KIF13A: variants seen among roughly 807,000 people sequenced by gnomAD.
The protein encoded by KIF13A is kinesin-like protein KIF13A.
KIF13A carries 79 observed loss-of-function variants against 212.2 expected under a neutral mutation model. The observed-to-expected ratio is 0.37, with a 90% CI of 0.31 to 0.45. KIF13A has a LOEUF of 0.45. Ranked by LOEUF, KIF13A falls within the 20% of genes least tolerant of loss-of-function variation. KIF13A has a pLI of 1.00. For missense variants in KIF13A, 1,901 were observed against 2,209.0 expected (o/e 0.86, Z 2.79); for synonymous variants, 789 against 808.6 (o/e 0.98, Z 0.41).
intron 4 of KIF13A, among the ~76,000 whole-genome samples, chr6:17,867,693 C>T (rs1263955942): frequency 6.6e-6 from 1 of 152,206 alleles, no homozygotes. Context: ...TCAAACAGAC[C>T]ACCTGAATAG....
At chr6:17,813,851 G>A (rs968393210) in intron 17 of KIF13A, among the ~76,000 whole-genome samples, 2 of 151,728 alleles carry the variant, frequency 1.3e-5, no homozygotes, top group South Asian at 2.1e-4. Flanking sequence ...GTTTCCTTAT[G>A]TGTAAAGGCA....
intron 3 of KIF13A, among the ~76,000 whole-genome samples, chr6:17,884,556 G>A (rs1561718962): frequency 1.3e-5 from 2 of 152,182 alleles, no homozygotes; most frequent in East Asian, 1.9e-4. Context: ...AGGCAAAAAA[G>A]GCCATGTGTG....
At chr6:17,910,323 A>G (rs750043125) in intron 2 of KIF13A, among the ~76,000 whole-genome samples, 3 of 152,240 alleles carry the variant, frequency 2.0e-5, no homozygotes, top group Non-Finnish European at 4.4e-5. Flanking sequence ...CCGTCTCATG[A>G]CCTGAAAAGC....
In KIF13A at chr6:17,768,066, A is replaced by G. The variant is rs796732818; in HGVS notation, c.4581+3048T>C. 6.6e-6 allele frequency among the ~76,000 whole-genome samples: 1 copy of G among 152,356 alleles called. No homozygotes were observed. The highest frequency in any genetic ancestry group is 2.4e-5 in the African/African-American group (1 of 41,582). ...CTTAGTAGAGATTAAACATTTTCCA[A>G]TACTTAAAAGGAGATTGAATGTTTA... On this transcript the variant is annotated intron_variant, in intron 38 of 38. Coordinates refer to ENST00000259711, the MANE Select transcript of KIF13A (RefSeq NM_022113.6). This position sits in a 1 kb window ranked among gnomAD's most constrained non-coding sequence, Gnocchi z 5.4.
At position 17,836,864 on chromosome 6, in the gene KIF13A, C is replaced by A; in HGVS notation, c.1155+14G>T. 6.2e-7 allele frequency: 1 copy of A among 1,612,434 alleles called. No individual in the cohort carries two copies. The highest frequency in any genetic ancestry group is 8.5e-7 in the Non-Finnish European group (1 of 1,178,772). ...AGGGAACTTTACCAGCAGGGAGTAC[C>A]AGGCTGCTTTTACCTCTGCCTGAGA... is the stretch of plus-strand genomic sequence containing the variant. On this transcript the variant is annotated intron_variant, in intron 11 of 38. Coordinates refer to ENST00000259711, the MANE Select transcript of KIF13A (RefSeq NM_022113.6).
At chr6:17,878,424 C>A (rs532508551) in intron 3 of KIF13A, among the ~76,000 whole-genome samples, 2 of 151,034 alleles carry the variant, frequency 1.3e-5, no homozygotes, top group African/African-American at 4.9e-5. Context: ...TTCATGCCTA[C>A]CTCTAACTTT....
At chr6:17,956,848 C>G (rs1243442265) in intron 2 of KIF13A, among the ~76,000 whole-genome samples, 3 of 152,120 alleles carry the variant, frequency 2.0e-5, no homozygotes, top group Non-Finnish European at 2.9e-5. Context: ...TTTCCCCACT[C>G]AGTCTACTAG....
chr6:17,825,440 T>A lies in KIF13A; in HGVS notation c.1786+328A>T, dbSNP rs1345160529. 6.6e-6 allele frequency among the ~76,000 whole-genome samples: 1 copy of A among 152,196 alleles called. No individual in the cohort carries two copies. The highest frequency in any genetic ancestry group is 1.5e-5 in the Non-Finnish European group (1 of 68,040). On this transcript the variant is annotated intron_variant, in intron 16 of 38. Coordinates refer to ENST00000259711, the MANE Select transcript of KIF13A (RefSeq NM_022113.6). This position sits in a 1 kb window ranked among gnomAD's most constrained non-coding sequence, Gnocchi z 4.5. ...ATTTTCACATTCTCAAGGATTCAGA[T>A]ATGACAGGCTCGATGATGAGAAATT...
In KIF13A at chr6:17,829,477, A is replaced by G. The variant is rs1443671791; in HGVS notation, c.1402-1107T>C. Among the ~76,000 whole-genome samples the G allele has an allele frequency of 1.3e-5, 2 of 152,182 alleles. No homozygotes were observed. Among genetic ancestry groups the G allele is most frequent in the Non-Finnish European group, 2.9e-5 (2 of 68,036 alleles). On this transcript the variant is annotated intron_variant, in intron 13 of 38. Coordinates refer to ENST00000259711, the MANE Select transcript of KIF13A (RefSeq NM_022113.6). The surrounding 1 kb of genome is among the most constrained non-coding windows in gnomAD (Gnocchi z 5.4). The stretch of plus-strand genomic sequence containing the variant: ...TGCTTGCTTACACTGCAAAGTGAGA[A>G]ATAGGACATCTGATTGACACTGATA...
intron 20 of KIF13A, among the ~76,000 whole-genome samples, chr6:17,801,630 C>G (rs1762481400): frequency 6.6e-6 from 1 of 152,154 alleles, no homozygotes; most frequent in African/African-American, 2.4e-5. Context: ...ACATATTTAC[C>G]AAGAACTAAC....
At chr6:17,933,037 A>G (rs1776144274) in intron 2 of KIF13A, among the ~76,000 whole-genome samples, 1 of 152,188 alleles carries the variant, frequency 6.6e-6, no homozygotes, top group Non-Finnish European at 1.5e-5. Flanking sequence ...GAATATCTAA[A>G]GTGTATCATT....
intron 4 of KIF13A, among the ~76,000 whole-genome samples, chr6:17,858,517 A>G (rs1768383574): frequency 6.6e-6 from 1 of 152,236 alleles, no homozygotes; most frequent in Non-Finnish European, 1.5e-5. Context: ...TTTCATACAC[A>G]TTAATATTTA....
intron 2 of KIF13A, among the ~76,000 whole-genome samples, chr6:17,972,769 A>AAAGAGC (rs1269107647): frequency 1.3e-5 from 2 of 150,950 alleles, no homozygotes; most frequent in Non-Finnish European, 1.5e-5. Flanking sequence ...GGCCAACAGT[A>AAAGAGC]AAGAGCAAAG....
chr6:17,817,951 G>C (rs1030388616), intron 16 of KIF13A, among the ~76,000 whole-genome samples: 8 of 151,826 alleles, frequency 5.3e-5, no homozygotes, highest in Non-Finnish European at 7.4e-5. Flanking sequence ...TACCATGATG[G>C]TTGTGGTATA....
In KIF13A at chr6:17,886,653, C is replaced by G. The variant is rs1460302968; in HGVS notation, c.159+11515G>C. Among the ~76,000 whole-genome samples the G allele has an allele frequency of 6.6e-6, 1 of 151,990 alleles. No homozygotes were observed. On this transcript the variant is annotated intron_variant, in intron 3 of 38. Transcript: ENST00000259711. This position sits in a 1 kb window ranked among gnomAD's most constrained non-coding sequence, Gnocchi z 5.6. Reference sequence around the variant, plus strand: ...GAGAACATTTGGTTCTGAACAAAGTCGGGCAGAAGGAAAGGGGAGAGTAGA... The same window carrying G: ...GAGAACATTTGGTTCTGAACAAAGTGGGGCAGAAGGAAAGGGGAGAGTAGA...
At chr6:17,822,369 A>G (rs77319666) in intron 16 of KIF13A, among the ~76,000 whole-genome samples, 3,871 of 152,256 alleles carry the variant, frequency 0.025, 74 homozygotes, top group Non-Finnish European at 0.04. Flanking sequence ...TATGGACAAA[A>G]TCAACACTGG....
At chr6:17,962,100 G>A (rs766572721) in intron 2 of KIF13A, among the ~76,000 whole-genome samples, 4 of 152,178 alleles carry the variant, frequency 2.6e-5, no homozygotes, top group South Asian at 4.2e-4. Flanking sequence ...GCCAAGGCGC[G>A]TGGATCACGT....
rs1259814107 is a variant in KIF13A at position 17,850,526 on chromosome 6, A to C, written c.583-69T>G. ...GAATGTAGTCCTGCACACCAGGTAT[A>C]TGTATTAATTATGATTCCTCTGATG... On this transcript the variant is annotated intron_variant, in intron 7 of 38. Transcript: ENST00000259711. This position sits in a 1 kb window ranked among gnomAD's most constrained non-coding sequence, Gnocchi z 6.2. The C allele has an allele frequency of 6.2e-6, 9 of 1,453,052 alleles. No individual in the cohort carries two copies. Among genetic ancestry groups the C allele is most frequent in the Non-Finnish European group, 8.3e-6 (9 of 1,080,672 alleles). The allele number at this position is 1,453,052 out of a possible 1,614,324, so 90.0% of individuals were successfully genotyped here. A position where few individuals can be genotyped will look rare whatever the true frequency, so the allele number is the denominator to read the frequency against.
chr6:17,822,775 G>A (rs1010687846), intron 16 of KIF13A, among the ~76,000 whole-genome samples: 2 of 152,174 alleles, frequency 1.3e-5, no homozygotes, highest in African/African-American at 4.8e-5. Context: ...CAGACTTGTT[G>A]CTCAGTTAGG....
Sources: gnomAD v4.1 joint callset for allele counts (sites outside exome capture counted in the v4.1 genomes callset) on GRCh38, gnomAD v4.1.1 for gene constraint, Gnocchi (gnomAD v3.1) non-coding constraint, MANE v1.5 for transcripts, NCBI Gene and HGNC (gene_info 2026-07-23, HGNC 2026-07-21) for gene names.